HERC2: variants seen among roughly 807,000 people sequenced by gnomAD.
The protein encoded by HERC2 is E3 ubiquitin-protein ligase HERC2.
A neutral mutation model predicts 537.7 loss-of-function variants in HERC2; 102 were observed. That is an observed-to-expected ratio of 0.19 (90% CI 0.16 to 0.22). The LOEUF (loss-of-function observed/expected upper bound fraction) is 0.22. HERC2 is among the 10% of genes least tolerant of loss of function. HERC2 has a pLI of 1.00. For missense variants in HERC2, 4,236 were observed against 6,198.2 expected, an observed-to-expected ratio of 0.68 and a Z score of 10.63; for synonymous variants, 2,224 against 2,466.2, an observed-to-expected ratio of 0.90 and a Z score of 2.91.
chr15:28,187,207 C>T (rs1468996771), intron 55 of HERC2, among the ~76,000 whole-genome samples: 3 of 152,132 alleles, frequency 2.0e-5, no homozygotes, highest in African/African-American at 7.2e-5. Flanking sequence ...CATGACCCAG[C>T]TCAACAGTTA....
At chr15:28,224,980 G>A (rs919944020) in intron 35 of HERC2, among the ~76,000 whole-genome samples, 7 of 152,226 alleles carry the variant, frequency 4.6e-5, no homozygotes, top group Admixed American at 1.3e-4. Context: ...TCTGTGCTGC[G>A]CCAAAAGCAG....
At chr15:28,288,655 G>A (rs891274600) in intron 4 of HERC2, among the ~76,000 whole-genome samples, 12 of 151,504 alleles carry the variant, frequency 7.9e-5, no homozygotes, top group Admixed American at 3.3e-4. Flanking sequence ...AGGCGAGCCT[G>A]GCAAACACAG....
Position 28,144,701 on chromosome 15 carries a change from G to A in HERC2, c.11112C>T (p.Phe3704=). The A allele has an allele frequency of 1.2e-6, 2 of 1,614,202 alleles. No homozygotes were observed. Among genetic ancestry groups the A allele is most frequent in the South Asian group, 1.1e-5 (1 of 91,084 alleles). The change falls in exon 72 of 93, where the codon TTC becomes TTT. Residue 3704 remains phenylalanine, a synonymous_variant. Coordinates refer to ENST00000261609, the MANE Select transcript of HERC2 (RefSeq NM_004667.6). ...DGSVNGWGWR[F]TVYPIMPAAG... The stretch of plus-strand genomic sequence containing the variant: ...CAGCTGGCATGATGGGATAGACGGT[G>A]AAGCGCCAGCCCCAGCCATTCACAG...
At chr15:28,155,081 C>A (rs1416276575) in intron 69 of HERC2, among the ~76,000 whole-genome samples, 1 of 149,918 alleles carries the variant, frequency 6.7e-6, no homozygotes, top group Non-Finnish European at 1.5e-5. Context: ...CATATCCCTA[C>A]AAAGCACATG....
chr15:28,210,211 G>GT (rs1463319965), intron 44 of HERC2, among the ~76,000 whole-genome samples: 1 of 152,050 alleles, frequency 6.6e-6, no homozygotes, highest in Non-Finnish European at 1.5e-5. Context: ...TCGGCTCACT[G>GT]TAAGCTCCGC....
intron 2 of HERC2, among the ~76,000 whole-genome samples, chr15:28,309,477 A>T (rs2428642): frequency 1.3e-5 from 2 of 152,178 alleles, no homozygotes; most frequent in Non-Finnish European, 2.9e-5. Flanking sequence ...TGATATAACC[A>T]CTATGCTCTT....
Position 28,272,209 on chromosome 15 carries a change from A to G in HERC2, c.1083+6T>C, listed in dbSNP as rs1314712698. 1.3e-6 allele frequency: 2 copies of G among 1,583,724 alleles called. No homozygotes were observed. Among genetic ancestry groups the G allele is most frequent in the East Asian group, 2.2e-5 (1 of 44,556 alleles). On this transcript the variant is annotated splice_donor_region_variant and intron_variant, in intron 9 of 92. Coordinates refer to ENST00000261609, the MANE Select transcript of HERC2 (RefSeq NM_004667.6). ...CCTAAACACAAAGTTCCATCATGAC[A>G]CTCACGTGCATGTCGCCCTCGGAGT... is the stretch of plus-strand genomic sequence containing the variant.
intron 92 of HERC2, 95 bp downstream of exon 92, chr15:28,112,976 C>T: frequency 1.1e-5 from 10 of 942,130 alleles, no homozygotes; most frequent in Non-Finnish European, 1.6e-5. Context: ...TCAAGAGGCT[C>T]GTTTTCCATG....
intron 68 of HERC2, among the ~76,000 whole-genome samples, chr15:28,165,278 C>A (rs569203792): frequency 1.3e-5 from 2 of 152,324 alleles, no homozygotes; most frequent in Non-Finnish European, 2.9e-5. Flanking sequence ...AAGGTGCCCA[C>A]CACGGAGTGG....
chr15:28,231,892 C>A (rs1203997204), intron 30 of HERC2, among the ~76,000 whole-genome samples: 1 of 151,768 alleles, frequency 6.6e-6, no homozygotes, highest in East Asian at 1.9e-4. Context: ...TCTATAAACC[C>A]ACAGGAAACT....
rs760404803 is a variant in HERC2 at position 28,176,668 on chromosome 15, A to G, written c.9514+19T>C. The G allele has an allele frequency of 1.9e-6, 3 of 1,614,016 alleles. No individual in the cohort carries two copies. In the South Asian group the frequency reaches 3.3e-5, roughly 18 times the overall value. ...CATTCCTACCCACCCAGAAGCACAG[A>G]ATCCTGCCAGCCACTCACCTTCATC... On this transcript the variant is annotated intron_variant, in intron 62 of 92. Transcript: ENST00000261609. This position sits in a 1 kb window ranked among gnomAD's most constrained non-coding sequence, Gnocchi z 5.0.
chr15:28,217,479 AC>A (rs1470647490), intron 38 of HERC2, among the ~76,000 whole-genome samples: 11 of 152,158 alleles, frequency 7.2e-5, no homozygotes, highest in African/African-American at 2.6e-4. Flanking sequence ...GCATGCTCTC[AC>A]ACACACTGGA....
chr15:28,271,161 A>T (rs890979877), intron 9 of HERC2, among the ~76,000 whole-genome samples: 2 of 152,186 alleles, frequency 1.3e-5, no homozygotes, highest in African/African-American at 4.8e-5. Context: ...AAACCACCCT[A>T]CAGGCCTAGG....
intron 69 of HERC2, among the ~76,000 whole-genome samples, chr15:28,157,469 T>C (rs192454340): frequency 8.7e-4 from 133 of 152,348 alleles, no homozygotes; most frequent in Non-Finnish European, 1.4e-3. Flanking sequence ...TGGTTTAGTC[T>C]TGGGTGGGTG....
intron 23 of HERC2, among the ~76,000 whole-genome samples, chr15:28,240,000 T>C (rs923295857): frequency 2.0e-5 from 3 of 152,180 alleles, no homozygotes; most frequent in Non-Finnish European, 4.4e-5. Context: ...ATGGATTGCA[T>C]GTTAGATTAA....
At chr15:28,147,989 A>T (rs1891939617) in intron 70 of HERC2, among the ~76,000 whole-genome samples, 1 of 151,944 alleles carries the variant, frequency 6.6e-6, no homozygotes, top group Admixed American at 6.6e-5. Context: ...GTGAGTCAGA[A>T]TCACACCACT....
At chr15:28,195,872 A>G (rs1174513435) in intron 52 of HERC2, among the ~76,000 whole-genome samples, 2 of 152,228 alleles carry the variant, frequency 1.3e-5, no homozygotes, top group African/African-American at 4.8e-5. Flanking sequence ...CAAATACAAT[A>G]AAAGGTATAT....
intron 83 of HERC2, among the ~76,000 whole-genome samples, chr15:28,128,950 T>C (rs562588878): frequency 3.9e-5 from 6 of 152,300 alleles, no homozygotes; most frequent in Non-Finnish European, 5.9e-5. Context: ...TCTCAGACTT[T>C]GAAAATCTTT....
At chr15:28,149,699 A>G (rs1892198905) in intron 70 of HERC2, among the ~76,000 whole-genome samples, 1 of 152,090 alleles carries the variant, frequency 6.6e-6, no homozygotes, top group Admixed American at 6.5e-5. Flanking sequence ...ATCACTTAGA[A>G]TGGCCACATG....
Sources: allele counts gnomAD v4.1 joint callset (sites outside exome capture counted in the v4.1 genomes callset), GRCh38; gene constraint gnomAD v4.1.1; non-coding constraint Gnocchi (gnomAD v3.1); transcripts MANE v1.5; gene names NCBI Gene and HGNC (gene_info 2026-07-23, HGNC 2026-07-21).